The following GPCPD1 variants were observed in gnomAD, a reference collection of about 807,000 sequenced individuals.
The protein encoded by GPCPD1 is glycerophosphocholine phosphodiesterase GPCPD1.
Under a neutral mutation model 89.2 loss-of-function variants are expected in GPCPD1, and 29 were observed. The observed-to-expected ratio is 0.33, with a 90% CI of 0.24 to 0.44. The LOEUF is 0.44. Among genes scored for constraint, GPCPD1 ranks in the 20% least tolerant of loss-of-function variants. The probability of loss-of-function intolerance (pLI) is 1.00; values close to 1 mark genes in which losing one functional copy is unlikely to be tolerated. For missense variants in GPCPD1, 594 were observed against 808.9 expected (o/e 0.73, Z 3.22); for synonymous variants, 258 against 266.3 (o/e 0.97, Z 0.30).
intron 1 of GPCPD1, among the ~76,000 whole-genome samples, chr20:5,605,397 C>T (rs1980511695): frequency 6.6e-6 from 1 of 152,188 alleles, no homozygotes; most frequent in African/African-American, 2.4e-5. Context: ...ACCAAAGTAT[C>T]ACCCACTAAA....
intron 17 of GPCPD1, among the ~76,000 whole-genome samples, chr20:5,559,619 A>G (rs1187947819): frequency 1.3e-5 from 2 of 152,188 alleles, no homozygotes; most frequent in Non-Finnish European, 2.9e-5. Flanking sequence ...CAAATTTAAA[A>G]TTTTTTCTAT....
intron 2 of GPCPD1, among the ~76,000 whole-genome samples, chr20:5,603,264 G>A (rs1201417146): frequency 6.6e-6 from 1 of 152,118 alleles, no homozygotes. Context: ...CTGCACTCTA[G>A]CCTGGGCGAC....
chr20:5,577,664 C>A (rs1037643702), intron 8 of GPCPD1, among the ~76,000 whole-genome samples: 17 of 151,786 alleles, frequency 1.1e-4, no homozygotes, highest in African/African-American at 4.1e-4. Context: ...TACTGGTGGT[C>A]AAGACATATT....
chr20:5,564,007 G>A (rs2122596876), intron 15 of GPCPD1, among the ~76,000 whole-genome samples: 1 of 151,956 alleles, frequency 6.6e-6, no homozygotes, highest in East Asian at 1.9e-4. Context: ...ACCTATTTTT[G>A]CCTAAGAAAT....
intron 2 of GPCPD1, among the ~76,000 whole-genome samples, chr20:5,601,993 T>A (rs1980192769): frequency 6.6e-6 from 1 of 152,200 alleles, no homozygotes; most frequent in Non-Finnish European, 1.5e-5. Context: ...ACTAAAGAAA[T>A]CTGCAAACAG....
At position 5,554,117 on chromosome 20, in the gene GPCPD1, C is replaced by T. The variant is rs567431837; in HGVS notation, c.1829+3828G>A. On this transcript the variant is annotated intron_variant, in intron 19 of 19. Coordinates refer to ENST00000379019, the MANE Select transcript of GPCPD1 (RefSeq NM_019593.5). The stretch of plus-strand genomic sequence containing the variant: ...CCGAGTAGCTGGGACTACAGGCGCC[C>T]GCCACCACGCCCGGCTAATTATTAT... Among the ~76,000 whole-genome samples the T allele has an allele frequency of 1.7e-4, 23 of 134,896 alleles. 3 individuals carry two copies. The South Asian group carries it at 5.3e-3, about 31-fold the overall frequency. The allele number at this position is 134,896 out of a possible 152,430, so 88.5% of individuals were successfully genotyped here.
chr20:5,601,385 T>C (rs1454803662), intron 2 of GPCPD1, among the ~76,000 whole-genome samples: 1 of 97,996 alleles, frequency 1.0e-5, no homozygotes, highest in Non-Finnish European at 2.0e-5. Context: ...TTTTTTTTTT[T>C]TGAGATGGAG....
chr20:5,592,520 A>G (rs1979400686), intron 4 of GPCPD1, among the ~76,000 whole-genome samples: 2 of 152,216 alleles, frequency 1.3e-5, no homozygotes, highest in Non-Finnish European at 2.9e-5. Flanking sequence ...AGCACGAGGT[A>G]ACAGTGGCTG....
At position 5,593,393 on chromosome 20, in the gene GPCPD1, G is replaced by C; in HGVS notation, c.165C>G (p.Thr55=). Residue 55 remains threonine (T), a synonymous_variant, in exon 4 of 20, where the codon ACC becomes ACG. Coordinates refer to ENST00000379019, the MANE Select transcript of GPCPD1 (RefSeq NM_019593.5). ...DTGESMLWKA[T]IVLSRGVSVQ... Reference sequence around the variant, plus strand: ...CTGATACTCCTCTACTGAGTACAATGGTTGCTTTCCATAGCATGCTGTGAA... The same window carrying C: ...CTGATACTCCTCTACTGAGTACAATCGTTGCTTTCCATAGCATGCTGTGAA... 6 of 1,589,872 alleles carry C rather than the reference G, an allele frequency of 3.8e-6. No individual in the cohort carries two copies. Among genetic ancestry groups the C allele is most frequent in the Non-Finnish European group, 5.2e-6 (6 of 1,158,876 alleles).
intron 5 of GPCPD1, chr20:5,585,550 G>GT (rs1327983800): frequency 6.8e-6 from 1 of 148,100 alleles, no homozygotes; most frequent in Non-Finnish European, 1.5e-5. Context: ...AAAAATACTT[G>GT]TATGAAGAGA....
intron 3 of GPCPD1, among the ~76,000 whole-genome samples, chr20:5,597,119 T>A (rs1293099372): frequency 6.6e-6 from 1 of 152,144 alleles, no homozygotes; most frequent in Non-Finnish European, 1.5e-5. Context: ...GAAAGACTAG[T>A]AAAGAATATA....
chr20:5,560,169 AC>A, intron 16 of GPCPD1, 93 bp from the exon 17 acceptor site: 1 of 785,956 alleles, frequency 1.3e-6, no homozygotes, highest in South Asian at 2.3e-5. Flanking sequence ...TGATGAAAAA[AC>A]CCCTGACAGT....
intron 1 of GPCPD1, among the ~76,000 whole-genome samples, chr20:5,607,078 G>A (rs1327048858): frequency 6.6e-6 from 1 of 151,800 alleles, no homozygotes; most frequent in Non-Finnish European, 1.5e-5. Context: ...CCTGAGGTCA[G>A]GAGTTCAAGA....
At chr20:5,589,905 A>G (rs1477553812) in intron 4 of GPCPD1, among the ~76,000 whole-genome samples, 1 of 152,228 alleles carries the variant, frequency 6.6e-6, no homozygotes, top group Admixed American at 6.5e-5. Context: ...CAGTACTGGT[A>G]GAGCTATTTC....
At chr20:5,573,686 T>C (rs1417317878) in intron 11 of GPCPD1, among the ~76,000 whole-genome samples, 1 of 152,106 alleles carries the variant, frequency 6.6e-6, no homozygotes, top group Non-Finnish European at 1.5e-5. Context: ...GAGGCTGCAG[T>C]GAGCCATGTT....
intron 10 of GPCPD1, 90 bp from the exon 11 acceptor site, chr20:5,574,059 A>C (rs1401305625): frequency 1.3e-6 from 1 of 794,532 alleles, no homozygotes; most frequent in Non-Finnish European, 2.2e-6. Flanking sequence ...CAACAATGGG[A>C]AATGGTACTT....
intron 3 of GPCPD1, among the ~76,000 whole-genome samples, chr20:5,594,609 AT>A (rs1979580742): frequency 6.6e-6 from 1 of 152,144 alleles, no homozygotes; most frequent in African/African-American, 2.4e-5. Context: ...GGTAACTTTT[AT>A]AAACACTTTG....
chr20:5,606,422 C>T (rs1197847415), intron 1 of GPCPD1, among the ~76,000 whole-genome samples: 1 of 152,074 alleles, frequency 6.6e-6, no homozygotes, highest in Admixed American at 6.6e-5. Context: ...TTCTAAAGTA[C>T]CTTTCATAGC....
intron 13 of GPCPD1, 136 bp downstream of exon 13, chr20:5,567,347 C>G: frequency 1.9e-6 from 2 of 1,078,958 alleles, no homozygotes; most frequent in Non-Finnish European, 2.6e-6. Flanking sequence ...CCAAACAGAA[C>G]AGAATACCAA....
Sources: gnomAD v4.1 joint callset for allele counts (sites outside exome capture counted in the v4.1 genomes callset) on GRCh38, gnomAD v4.1.1 for gene constraint, MANE v1.5 for transcripts, NCBI Gene and HGNC (gene_info 2026-07-23, HGNC 2026-07-21) for gene names.